KIRREL3: variants seen among roughly 807,000 people sequenced by gnomAD.
KIRREL3 encodes kin of IRRE-like protein 3.
In KIRREL3, 36 loss-of-function variants were observed where a neutral mutation model predicts 89.7. The ratio of observed to expected loss-of-function variants is 0.40; its 90% confidence interval spans 0.31 to 0.53. KIRREL3 has a LOEUF of 0.53. Among genes scored for constraint, KIRREL3 ranks in the 20% least tolerant of loss-of-function variants. KIRREL3 has a pLI of 0.49. For missense variants in KIRREL3, 864 were observed against 1,056.6 expected (o/e 0.82, Z 2.53); for synonymous variants, 445 against 441.4 (o/e 1.01, Z -0.10).
intron 4 of KIRREL3, among the ~76,000 whole-genome samples, chr11:126,510,176 T>TTCTGGC (rs1189052365): frequency 2.0e-5 from 3 of 152,096 alleles, no homozygotes; most frequent in African/African-American, 7.2e-5. Context: ...CCTTAAATGG[T>TTCTGGC]TCTGGCTCTC....
intron 1 of KIRREL3, among the ~76,000 whole-genome samples, chr11:126,718,455 G>A (rs1948051914): frequency 6.6e-6 from 1 of 152,186 alleles, no homozygotes; most frequent in Non-Finnish European, 1.5e-5. Context: ...TAAGGACGAG[G>A]GTGTTTGGGG....
chr11:126,649,939 T>G (rs1379905288), intron 1 of KIRREL3, among the ~76,000 whole-genome samples: 1 of 152,232 alleles, frequency 6.6e-6, no homozygotes, highest in Non-Finnish European at 1.5e-5. Flanking sequence ...ATCCAGGAGT[T>G]TCCATACATT....
chr11:126,735,179 C>G (rs1232868736), intron 1 of KIRREL3, among the ~76,000 whole-genome samples: 2 of 152,128 alleles, frequency 1.3e-5, no homozygotes, highest in African/African-American at 4.8e-5. Context: ...TTTTATGTCT[C>G]TGTAAAAGTT....
In KIRREL3 at chr11:126,937,701, C is replaced by T. The variant is rs182892081; in HGVS notation, c.55+62754G>A. On this transcript the variant is annotated intron_variant, in intron 1 of 16. Coordinates refer to ENST00000525144, the MANE Select transcript of KIRREL3 (RefSeq NM_032531.4). ...GATCACGAGGTCAGGAGATCAAGAC[C>T]ATCCTGGCTAACACAGTGAAACCCC... Among the ~76,000 whole-genome samples the T allele has an allele frequency of 7.1e-4, 108 of 152,026 alleles. No individual in the cohort carries two copies. In the East Asian group the frequency reaches 7.4e-3, roughly 10 times the overall value.
At chr11:126,450,232 T>G (rs1477432933) in intron 7 of KIRREL3, among the ~76,000 whole-genome samples, 1 of 151,470 alleles carries the variant, frequency 6.6e-6, no homozygotes, top group Non-Finnish European at 1.5e-5. Flanking sequence ...TGTGCACGTG[T>G]GCATATGAAT....
rs1358484649 is a variant in KIRREL3 at position 126,636,654 on chromosome 11, C to T, written c.56-73742G>A. 6.6e-6 allele frequency among the ~76,000 whole-genome samples: 1 copy of T among 152,180 alleles called. No individual in the cohort carries two copies. Among genetic ancestry groups the T allele is most frequent in the Non-Finnish European group, 1.5e-5 (1 of 68,040 alleles). On this transcript the variant is annotated intron_variant, in intron 1 of 16. Transcript: ENST00000525144. The surrounding 1 kb of genome is among the most constrained non-coding windows in gnomAD (Gnocchi z 4.4). ...AGCTTACTGCCTGCTCTGCTGCCAG[C>T]ACCCTTTCTTGTGTCTTGGTATCTG...
intron 1 of KIRREL3, among the ~76,000 whole-genome samples, chr11:126,701,820 T>C (rs1481295157): frequency 6.6e-6 from 1 of 152,130 alleles, no homozygotes; most frequent in East Asian, 1.9e-4. Context: ...ACCTCAGGTT[T>C]TCCATCTGTA....
Position 126,862,658 on chromosome 11 carries a change from G to A in KIRREL3, c.55+137797C>T, listed in dbSNP as rs533266780. Among the ~76,000 whole-genome samples, 4 of 152,150 alleles carry A rather than the reference G, an allele frequency of 2.6e-5. No individual in the cohort carries two copies. The South Asian group carries it at 8.3e-4, about 32-fold the overall frequency. On this transcript the variant is annotated intron_variant, in intron 1 of 16. Transcript: ENST00000525144. Reference sequence around the variant, plus strand: ...GAGCGAGTGTTGCACCAGGAGGCAGGGCACCTGGCTTCCCCAGTCACTATC... The same window carrying A: ...GAGCGAGTGTTGCACCAGGAGGCAGAGCACCTGGCTTCCCCAGTCACTATC...
At chr11:126,707,791 C>T (rs1947593126) in intron 1 of KIRREL3, among the ~76,000 whole-genome samples, 1 of 152,138 alleles carries the variant, frequency 6.6e-6, no homozygotes, top group Admixed American at 6.5e-5. Context: ...AAAATTCCTT[C>T]CCATAATAGC....
intron 1 of KIRREL3, among the ~76,000 whole-genome samples, chr11:126,716,755 G>GGC (rs201997584): frequency 6.8e-6 from 1 of 146,534 alleles, no homozygotes; most frequent in Non-Finnish European, 1.5e-5. Context: ...TGTTGGGGGG[G>GGC]GGGGGAAGTG....
chr11:126,448,808 C>T (rs1282938741), intron 8 of KIRREL3, among the ~76,000 whole-genome samples: 1 of 152,234 alleles, frequency 6.6e-6, no homozygotes, highest in Non-Finnish European at 1.5e-5. Context: ...CAGCCAAGAC[C>T]CTGACTCATG....
chr11:126,949,916 A>G (rs1234613898), intron 1 of KIRREL3, among the ~76,000 whole-genome samples: 3 of 152,186 alleles, frequency 2.0e-5, no homozygotes, highest in Non-Finnish European at 2.9e-5. Flanking sequence ...GTACATTAAA[A>G]CCAAAATAAA....
intron 1 of KIRREL3, among the ~76,000 whole-genome samples, chr11:126,596,907 G>A (rs1205207265): frequency 6.6e-6 from 1 of 152,230 alleles, no homozygotes; most frequent in African/African-American, 2.4e-5. Flanking sequence ...AAGGATGAGT[G>A]TCTGCAGATC....
intron 7 of KIRREL3, 74 bp from the exon 8 acceptor site, chr11:126,449,231 C>T (rs1955936527): frequency 6.5e-7 from 1 of 1,544,792 alleles, no homozygotes; most frequent in African/African-American, 1.4e-5. Context: ...ACACATCCAT[C>T]CCATGGAAAA....
Position 126,614,909 on chromosome 11 carries a change from C to T in KIRREL3, c.56-51997G>A, listed in dbSNP as rs149020950. ...TGGGGCCGGTAAAATAGCTTTGTTC[C>T]TTGGAGAAAGTCATGTAGAGAGATA... is the stretch of plus-strand genomic sequence containing the variant. On this transcript the variant is annotated intron_variant, in intron 1 of 16. Transcript: ENST00000525144. The surrounding 1 kb of genome is among the most constrained non-coding windows in gnomAD (Gnocchi z 4.6). Among the ~76,000 whole-genome samples the T allele has an allele frequency of 6.8e-4, 104 of 152,136 alleles. 1 individual carries two copies. Among genetic ancestry groups the T allele is most frequent in the African/African-American group, 2.4e-3 (100 of 41,478 alleles).
At chr11:126,888,487 C>T (rs1274447525) in intron 1 of KIRREL3, among the ~76,000 whole-genome samples, 2 of 152,220 alleles carry the variant, frequency 1.3e-5, no homozygotes, top group Non-Finnish European at 2.9e-5. Flanking sequence ...CACCACCCCA[C>T]ACTGCTCTTT....
intron 1 of KIRREL3, among the ~76,000 whole-genome samples, chr11:126,667,097 G>T (rs1042874771): frequency 6.6e-6 from 1 of 152,094 alleles, no homozygotes; most frequent in Non-Finnish European, 1.5e-5. Context: ...AAGGAAAAAA[G>T]CTCCAGACTA....
intron 1 of KIRREL3, among the ~76,000 whole-genome samples, chr11:126,841,357 G>A (rs1364472965): frequency 6.6e-6 from 1 of 152,168 alleles, no homozygotes; most frequent in Non-Finnish European, 1.5e-5. Context: ...CTAGTTGGAA[G>A]CCCCAGGAGG....
At chr11:126,657,368 A>AAAAG (rs1945196626) in intron 1 of KIRREL3, among the ~76,000 whole-genome samples, 1 of 152,116 alleles carries the variant, frequency 6.6e-6, no homozygotes, top group East Asian at 1.9e-4. Context: ...GTTCCAAAAA[A>AAAAG]GTAGAGCCCT....
Sources: gnomAD v4.1 joint callset for allele counts (sites outside exome capture counted in the v4.1 genomes callset) on GRCh38, gnomAD v4.1.1 for gene constraint, Gnocchi (gnomAD v3.1) non-coding constraint, MANE v1.5 for transcripts, NCBI Gene and HGNC (gene_info 2026-07-23, HGNC 2026-07-21) for gene names.